The following ULK2 variants were observed in gnomAD, a reference collection of about 807,000 sequenced individuals.
ULK2 encodes the protein serine/threonine-protein kinase ULK2.
In ULK2, 76 loss-of-function variants were observed where a neutral mutation model predicts 127.5. The ratio of observed to expected loss-of-function variants is 0.60; its 90% CI spans 0.50 to 0.72. The LOEUF is 0.72. Among genes scored for constraint, ULK2 ranks in the 30% least tolerant of loss-of-function variants. The probability of loss-of-function intolerance (pLI) is 0.00; values close to 1 mark genes in which losing one functional copy is unlikely to be tolerated. For synonymous variants in ULK2, 452 were observed against 461.9 expected, an observed-to-expected ratio of 0.98 and a Z score of 0.28; for missense variants, 1,144 against 1,295.9, an observed-to-expected ratio of 0.88 and a Z score of 1.80.
Position 19,783,451 on chromosome 17 carries a change from C to CA in ULK2, c.2460+245dup, listed in dbSNP as rs1328960557. Among the ~76,000 whole-genome samples, 775 of 149,006 alleles carry CA rather than the reference C, an allele frequency of 5.2e-3. 6 individuals are homozygous for CA. The highest frequency in any genetic ancestry group is 0.017 in the African/African-American group (677 of 40,518). On this transcript the variant is annotated intron_variant, in intron 22 of 26. Transcript: ENST00000395544. ...TGGGTGACAGAGCAAGACTCTGTCT[C>CA]AAAAAAAAAGAAAGAAAGAAAAACA...
At position 19,833,752 on chromosome 17, in the gene ULK2, A is replaced by G. The variant is rs181149341; in HGVS notation, c.787+4749T>C. On this transcript the variant is annotated intron_variant, in intron 10 of 26. Transcript: ENST00000395544. ...AGCAAGGCTGAGAACAGATTAACAG[A>G]TATTTCCAATCTGAAAAACTCAAAG... Among the ~76,000 whole-genome samples, 418 of 152,354 alleles carry G rather than the reference A, an allele frequency of 2.7e-3. 2 individuals carry two copies. Among genetic ancestry groups the G allele is most frequent in the Non-Finnish European group, 4.4e-3 (300 of 68,040 alleles).
intron 18 of ULK2, among the ~76,000 whole-genome samples, 169 bp downstream of exon 18, chr17:19,797,227 G>A (rs562344576): frequency 2.0e-5 from 3 of 152,164 alleles, no homozygotes; most frequent in African/African-American, 2.4e-5. Flanking sequence ...AACCTGGGAG[G>A]TGGAGGTTGT....
chr17:19,812,984 G>A (rs1396407478), intron 13 of ULK2, among the ~76,000 whole-genome samples: 1 of 152,098 alleles, frequency 6.6e-6, no homozygotes, highest in African/African-American at 2.4e-5. Context: ...AGAACAGCAG[G>A]AAAAATTAAA....
chr17:19,837,254 CA>C (rs796231341), intron 10 of ULK2, among the ~76,000 whole-genome samples: 1 of 151,248 alleles, frequency 6.6e-6, no homozygotes, highest in African/African-American at 2.4e-5. Context: ...CCTGTCTCTA[CA>C]AAAAAAATAC....
At chr17:19,825,403 C>A (rs1283479995) in intron 11 of ULK2, among the ~76,000 whole-genome samples, 1 of 152,288 alleles carries the variant, frequency 6.6e-6, no homozygotes, top group South Asian at 2.1e-4. Context: ...TAAATAAACA[C>A]AACCGTAGGT....
Position 19,816,832 on chromosome 17 carries a change from G to C in ULK2, c.1013C>G (p.Ser338Cys). 1.2e-6 allele frequency: 2 copies of C among 1,612,428 alleles called. No individual in the cohort carries two copies. Among genetic ancestry groups the C allele is most frequent in the Non-Finnish European group, 8.5e-7 (1 of 1,179,502 alleles). ...AGAGTTCTTGCTACTAGTACTGGCA[G>C]AATCTTTGGAAACTTGTAGATAGTT... is the stretch of plus-strand genomic sequence containing the variant. ...PPNYLQVSKD[S>C]ASTSSKNSSC... Residue 338 changes from serine to cysteine, a missense_variant, in exon 13 of 27, where the codon TCT (serine) becomes TGT (cysteine). Around this residue, in one of 2 missense-constraint regions of ULK2, gnomAD observed 913 missense variants for 970.5 expected, o/e 0.94. Coordinates refer to ENST00000395544, the MANE Select transcript of ULK2 (RefSeq NM_014683.4).
At position 19,813,413 on chromosome 17, in the gene ULK2, A is replaced by T. The variant is rs114481836; in HGVS notation, c.1097-2975T>A. On this transcript the variant is annotated intron_variant, in intron 13 of 26. Transcript: ENST00000395544. ...CACTAAAAGGGTAAGAAGAAACATT[A>T]ATAAATTAGAGCAATAAGACAAAAA... 4.3e-3 allele frequency among the ~76,000 whole-genome samples: 654 copies of T among 152,326 alleles called. 4 individuals are homozygous for T. Among genetic ancestry groups the T allele is most frequent in the African/African-American group, 0.015 (627 of 41,566 alleles).
intron 17 of ULK2, among the ~76,000 whole-genome samples, chr17:19,797,889 A>G (rs2152385712): frequency 6.6e-6 from 1 of 152,322 alleles, no homozygotes; most frequent in East Asian, 1.9e-4. Context: ...CAGGAGACAG[A>G]ATTTAATGAT....
At chr17:19,863,466 A>C (rs2042285560) in intron 3 of ULK2, among the ~76,000 whole-genome samples, 1 of 150,396 alleles carries the variant, frequency 6.6e-6, no homozygotes, top group Admixed American at 6.7e-5. Flanking sequence ...CAGCTCTCAC[A>C]TGGTATCACA....
chr17:19,840,976 G>A (rs893889281), intron 9 of ULK2, among the ~76,000 whole-genome samples: 1 of 152,128 alleles, frequency 6.6e-6, no homozygotes. Context: ...ACAAAAGGAC[G>A]CTGCAAACAA....
At chr17:19,856,560 C>T (rs542085226) in intron 3 of ULK2, among the ~76,000 whole-genome samples, 64 of 147,542 alleles carry the variant, frequency 4.3e-4, no homozygotes, top group African/African-American at 1.5e-3. Context: ...CTAGCCTGGG[C>T]GACAGAGCGA....
At chr17:19,850,058 A>G (rs1398393528) in intron 3 of ULK2, among the ~76,000 whole-genome samples, 2 of 152,206 alleles carry the variant, frequency 1.3e-5, no homozygotes, top group East Asian at 3.8e-4. Context: ...TTGACCTAAA[A>G]CAACAGATCT....
intron 3 of ULK2, among the ~76,000 whole-genome samples, chr17:19,852,865 T>C (rs1330298868): frequency 6.6e-6 from 1 of 151,962 alleles, no homozygotes; most frequent in Non-Finnish European, 1.5e-5. Context: ...TTAGCCAGGA[T>C]GGTCTCAATC....
chr17:19,811,395 G>T (rs2087636318), intron 13 of ULK2, among the ~76,000 whole-genome samples: 1 of 151,278 alleles, frequency 6.6e-6, no homozygotes, highest in African/African-American at 2.4e-5. Flanking sequence ...GTATCAACCT[G>T]ATAGCTTAAT....
At chr17:19,859,221 G>C (rs1240615312) in intron 3 of ULK2, among the ~76,000 whole-genome samples, 1 of 151,596 alleles carries the variant, frequency 6.6e-6, no homozygotes, top group Admixed American at 6.6e-5. Context: ...TGGTTAAAAA[G>C]AACTAGTATA....
chr17:19,810,229 CAAAAAAAAAAAAAAAAA>C, intron 14 of ULK2, 132 bp downstream of exon 14: 6 of 350,190 alleles, frequency 1.7e-5, no homozygotes, highest in South Asian at 5.1e-5. Context: ...GACTCCATCT[CAAAAAAAAAAAAAAAAA>C]AAAAAAAAAA....
chr17:19,834,910 G>GA (rs199677501), intron 10 of ULK2, among the ~76,000 whole-genome samples: 4,915 of 120,800 alleles, frequency 0.041, 111 homozygotes, highest in East Asian at 0.1. Context: ...CTCTGTCTCA[G>GA]AAAAAAAAAA....
At chr17:19,854,914 G>T (rs141500850) in intron 3 of ULK2, among the ~76,000 whole-genome samples, 1 of 148,664 alleles carries the variant, frequency 6.7e-6, no homozygotes, top group East Asian at 2.0e-4. Context: ...GCCTGGCCAA[G>T]ATGGTGAAAC....
intron 25 of ULK2, among the ~76,000 whole-genome samples, chr17:19,779,654 G>A (rs2086879092): frequency 1.3e-5 from 2 of 150,962 alleles, no homozygotes; most frequent in African/African-American, 4.9e-5. Context: ...TTTTCCCCGA[G>A]AGGCAGAAAA....
Sources: allele counts gnomAD v4.1 joint callset (sites outside exome capture counted in the v4.1 genomes callset), GRCh38; gene constraint gnomAD v4.1.1; regional missense constraint gnomAD v4.1.1; transcripts MANE v1.5; gene names NCBI Gene and HGNC (gene_info 2026-07-23, HGNC 2026-07-21).